DICER1: variants seen among roughly 807,000 people sequenced by gnomAD.
DICER1 encodes the protein dicer 1, ribonuclease III.
DICER1 carries 43 observed loss-of-function variants against 194.1 expected under a neutral mutation model. The ratio of observed to expected loss-of-function variants is 0.22; its 90% confidence interval spans 0.17 to 0.29. The LOEUF (loss-of-function observed/expected upper bound fraction) is 0.29. Ranked by LOEUF, DICER1 falls within the 10% of genes least tolerant of loss-of-function variation. DICER1 has a pLI of 1.00. For missense variants in DICER1, 1,608 were observed against 2,317.0 expected (o/e 0.69, Z 6.28); for synonymous variants, 832 against 820.5 (o/e 1.01, Z -0.24).
At chr14:95,094,828 TCA>T (rs1318643810) in intron 23 of DICER1, among the ~76,000 whole-genome samples, 3 of 152,212 alleles carry the variant, frequency 2.0e-5, no homozygotes, top group African/African-American at 4.8e-5. Context: ...CTCTATTTTC[TCA>T]CAGTGATTAA....
chr14:95,135,070 A>T (rs538281468), intron 1 of DICER1, among the ~76,000 whole-genome samples: 7 of 152,262 alleles, frequency 4.6e-5, no homozygotes, highest in African/African-American at 1.7e-4. Context: ...CCTATGTGGA[A>T]GTCTATTTTA....
At chr14:95,152,639 T>C (rs1027826467) in intron 1 of DICER1, among the ~76,000 whole-genome samples, 18 of 152,366 alleles carry the variant, frequency 1.2e-4, no homozygotes, top group African/African-American at 3.8e-4. Context: ...ACAGTCTTAC[T>C]GACATCCTCA....
In DICER1 at chr14:95,090,263, A is replaced by C; in HGVS notation, c.*235T>G. ...TTGTGATTTAAACAAAGCAGAAGTG[A>C]GGAAAGAAGATAAGATTGTGTTTGC... On this transcript the variant is annotated 3_prime_UTR_variant, in exon 27 of 27. Coordinates refer to ENST00000343455, the MANE Select transcript of DICER1 (RefSeq NM_177438.3). 1 of 560,116 alleles carries C rather than the reference A, an allele frequency of 1.8e-6. No homozygotes were observed. The highest frequency in any genetic ancestry group is 2.1e-5 in the South Asian group (1 of 48,226). 34.7% of individuals were successfully genotyped at this position (560,116 alleles called of 1,614,324 possible).
intron 1 of DICER1, among the ~76,000 whole-genome samples, chr14:95,152,282 C>T (rs754951150): frequency 3.9e-5 from 6 of 152,188 alleles, no homozygotes; most frequent in Non-Finnish European, 7.3e-5. Flanking sequence ...CATAATCATA[C>T]GTACCTCACA....
At position 95,090,356 on chromosome 14, in the gene DICER1, T is replaced by G. The variant is rs960882464; in HGVS notation, c.*142A>C. 3.4e-6 allele frequency: 3 copies of G among 886,782 alleles called. No homozygotes were observed. Among genetic ancestry groups the G allele is most frequent in the African/African-American group, 3.4e-5 (2 of 59,222 alleles). The allele number at this position is 886,782 out of a possible 1,614,324, so 54.9% of individuals were successfully genotyped here. A position where few individuals can be genotyped will look rare whatever the true frequency, so the allele number is the denominator to read the frequency against. ...ATGTTAAATGTTTTATTCTGTTATC[T>G]ATCCTGTTATCAACCAAACTTTAAA... On this transcript the variant is annotated 3_prime_UTR_variant, in exon 27 of 27. Transcript: ENST00000343455.
intron 1 of DICER1, among the ~76,000 whole-genome samples, chr14:95,155,686 T>C (rs1029819132): frequency 6.6e-6 from 1 of 152,228 alleles, no homozygotes; most frequent in Non-Finnish European, 1.5e-5. Context: ...ATGTCTTTTC[T>C]CCCCAAATTA....
chr14:95,111,360 CCTGGAACA>C lies in DICER1; in HGVS notation c.2205_2212del (p.Ser735ArgfsTer23). The stretch of plus-strand genomic sequence containing the variant: ...CCTTCGTTTCGTGGAACCTGGTCTT[CCTGGAACA>C]CTGGTCTCTTCTTCATCATGCAAAT... On this transcript the variant is annotated frameshift_variant, in exon 14 of 27. Coordinates refer to ENST00000343455, the MANE Select transcript of DICER1 (RefSeq NM_177438.3). LOFTEE classifies it high-confidence loss of function. 6.2e-7 allele frequency: 1 copy of C among 1,614,174 alleles called. No individual in the cohort carries two copies. Among genetic ancestry groups the C allele is most frequent in the Non-Finnish European group, 8.5e-7 (1 of 1,180,010 alleles).
intron 8 of DICER1, among the ~76,000 whole-genome samples, chr14:95,118,542 T>C (rs1892685352): frequency 6.6e-6 from 1 of 152,178 alleles, no homozygotes; most frequent in Non-Finnish European, 1.5e-5. Flanking sequence ...TAACCCACAG[T>C]GCCTGTAACT....
In DICER1 at chr14:95,105,274, T is replaced by G. The variant is rs377092388; in HGVS notation, c.3094-28A>C. ...TCAAGTAAGGGGAAAAATGGACAGA[T>G]AAATACAAAGCGCACACACAAAAGA... On this transcript the variant is annotated intron_variant, in intron 19 of 26. Coordinates refer to ENST00000343455, the MANE Select transcript of DICER1 (RefSeq NM_177438.3). The surrounding 1 kb of genome is among the most constrained non-coding windows in gnomAD (Gnocchi z 4.9). 4 of 1,593,912 alleles carry G rather than the reference T, an allele frequency of 2.5e-6. No homozygotes were observed. In the African/African-American group the frequency reaches 4.1e-5, roughly 16 times the overall value.
intron 11 of DICER1, among the ~76,000 whole-genome samples, chr14:95,113,744 G>C (rs1892190112): frequency 6.6e-6 from 1 of 152,194 alleles, no homozygotes; most frequent in Non-Finnish European, 1.5e-5. Context: ...ACAGCACCAG[G>C]GAAGGTTGGA....
chr14:95,105,394 G>A lies in DICER1; in HGVS notation c.3094-148C>T. ...AATATTTGTAAAAATAATCCTCTAA[G>A]GCCAAATGGGATTTATCAAAGGATT... On this transcript the variant is annotated intron_variant, in intron 19 of 26. Transcript: ENST00000343455. This position sits in a 1 kb window ranked among gnomAD's most constrained non-coding sequence, Gnocchi z 4.9. The A allele has an allele frequency of 6.2e-6, 5 of 801,728 alleles. No individual in the cohort carries two copies. The highest frequency in any genetic ancestry group is 3.3e-5 in the South Asian group (2 of 60,514). The allele number at this position is 801,728 out of a possible 1,614,324, so 49.7% of individuals were successfully genotyped here.
intron 9 of DICER1, 98 bp from the exon 10 acceptor site, chr14:95,116,793 A>C (rs1369421665): frequency 8.1e-7 from 1 of 1,235,610 alleles, no homozygotes; most frequent in Non-Finnish European, 1.2e-6. Context: ...CATTTCTGAC[A>C]CACATGCTCT....
At chr14:95,142,399 C>A (rs1443966779) in intron 1 of DICER1, among the ~76,000 whole-genome samples, 2 of 152,162 alleles carry the variant, frequency 1.3e-5, no homozygotes, top group Non-Finnish European at 2.9e-5. Flanking sequence ...TCATTCTATA[C>A]CGCCACCTAG....
intron 1 of DICER1, among the ~76,000 whole-genome samples, chr14:95,138,974 AATAAAAAT>A (rs1894633636): frequency 2.1e-5 from 1 of 48,710 alleles, no homozygotes; most frequent in Non-Finnish European, 5.3e-5. Context: ...TAATAAAAAA[AATAAAAAT>A]AAATAAAAAA....
At position 95,115,773 on chromosome 14, in the gene DICER1, T is replaced by C. The variant is rs564224919; in HGVS notation, c.1801A>G (p.Ile601Val). 8 of 1,614,202 alleles carry C rather than the reference T, an allele frequency of 5.0e-6. No homozygotes were observed. The African/African-American group carries it at 9.3e-5, about 19-fold the overall frequency. ...TCATCATCATCCATGACAGGATCAA[T>C]GTCAGTCTCACCAGTATCAACCGAC... ...SKSVDTGETD[I>V]DPVMDDDDVF... The change falls in exon 11 of 27, where the codon ATT becomes GTT. Residue 601 changes from isoleucine (I) to valine (V), a missense_variant. This residue lies in a region of DICER1 where 657 missense variants were observed against 910.1 expected (regional missense o/e 0.72). Coordinates refer to ENST00000343455, the MANE Select transcript of DICER1 (RefSeq NM_177438.3).
rs1895959918 is a variant in DICER1, at chr14:95,157,318, GCGCCGCCGCCCC to G, written c.-146_-135del. 1 of 155,120 alleles carries G rather than the reference GCGCCGCCGCCCC, an allele frequency of 6.4e-6. No individual in the cohort carries two copies. The allele number at this position is 155,120 out of a possible 1,614,324, so 9.6% of individuals were successfully genotyped here. A position where few individuals can be genotyped will look rare whatever the true frequency, so the allele number is the denominator to read the frequency against. The stretch of plus-strand genomic sequence containing the variant: ...AGCCCAGGCCTCCCGGAGCCGCCCG[GCGCCGCCGCCCC>G]CGCCGCCATTTCCTCGCGCTCGCCG... On this transcript the variant is annotated 5_prime_UTR_variant, in exon 1 of 27. Coordinates refer to ENST00000343455, the MANE Select transcript of DICER1 (RefSeq NM_177438.3).
chr14:95,094,277 C>G, intron 23 of DICER1, 121 bp from the exon 24 acceptor site: 3 of 1,275,666 alleles, frequency 2.4e-6, no homozygotes, highest in Middle Eastern at 2.4e-4. Flanking sequence ...TACATATATT[C>G]TTCAAAAAGG....
intron 21 of DICER1, among the ~76,000 whole-genome samples, chr14:95,101,752 A>G (rs186393316): frequency 5.2e-4 from 79 of 152,322 alleles, no homozygotes; most frequent in Admixed American, 1.4e-3. Flanking sequence ...ACCTGACAGG[A>G]GCCCATTCGA....
At chr14:95,129,713 A>G (rs922657083) in intron 5 of DICER1, 81 bp from the exon 6 acceptor site, 3 of 1,314,672 alleles carry the variant, frequency 2.3e-6, no homozygotes, top group Middle Eastern at 3.7e-4. Flanking sequence ...ATTAAAACAT[A>G]TCAAAATCAC....
Sources: gnomAD v4.1 joint callset for allele counts (sites outside exome capture counted in the v4.1 genomes callset) on GRCh38, gnomAD v4.1.1 for gene constraint, gnomAD v4.1.1 regional missense constraint, Gnocchi (gnomAD v3.1) non-coding constraint, MANE v1.5 for transcripts, NCBI Gene and HGNC (gene_info 2026-07-23, HGNC 2026-07-21) for gene names.